Variants in DPP6 observed in about 807,000 individuals in gnomAD.
DPP6 encodes dipeptidyl peptidase like 6, also known as A-type potassium channel modulatory protein DPP6.
A neutral mutation model predicts 122.6 loss-of-function variants in DPP6; 69 were observed. The ratio of observed to expected loss-of-function variants is 0.56; its 90% CI spans 0.46 to 0.69. DPP6 has a LOEUF of 0.69. Ranked by LOEUF, DPP6 falls within the 30% of genes least tolerant of loss-of-function variation. DPP6 has a pLI of 0.00. For synonymous variants in DPP6, 418 were observed against 433.1 expected (o/e 0.97, Z 0.43); for missense variants, 928 against 1,116.9 (o/e 0.83, Z 2.41).
At chr7:154,348,070 A>G (rs11977806) in intron 1 of DPP6, among the ~76,000 whole-genome samples, 10,753 of 152,156 alleles carry the variant, frequency 0.071, 1,169 homozygotes, top group African/African-American at 0.24. Context: ...AGGAGGTTTT[A>G]TGGAACTCTC....
chr7:154,699,356 G>A (rs1292480194), intron 7 of DPP6, among the ~76,000 whole-genome samples: 4 of 152,156 alleles, frequency 2.6e-5, no homozygotes, highest in African/African-American at 9.7e-5. Flanking sequence ...GTGACTTCTG[G>A]CAGCTGACAA....
intron 1 of DPP6, among the ~76,000 whole-genome samples, chr7:154,319,484 A>G (rs1160859367): frequency 1.3e-5 from 2 of 152,114 alleles, no homozygotes; most frequent in African/African-American, 2.4e-5. Flanking sequence ...GCCTGAGGTC[A>G]GGAGTTCAAG....
chr7:154,891,065 C>A (rs963834247), intron 25 of DPP6: 1 of 152,012 alleles, frequency 6.6e-6, no homozygotes. Context: ...CCCATCTCTA[C>A]AAAAAGTTTT....
rs1804566274 is a variant in DPP6 at position 154,282,265 on chromosome 7, T to G, written c.244-163949T>G. On this transcript the variant is annotated intron_variant, in intron 1 of 25. Coordinates refer to ENST00000377770, the MANE Select transcript of DPP6 (RefSeq NM_130797.4). The surrounding 1 kb of genome is among the most constrained non-coding windows in gnomAD (Gnocchi z 4.8). ...GATGGTGGCAGCTTTAGCCAGGCAG[T>G]GGTTTCCCTGTTGTACAATTCAATA... Among the ~76,000 whole-genome samples the G allele has an allele frequency of 6.6e-6, 1 of 152,142 alleles. No individual in the cohort carries two copies. The highest frequency in any genetic ancestry group is 1.5e-5 in the Non-Finnish European group (1 of 68,026).
rs190379916 is a variant in DPP6, at chr7:154,223,202, A to G, written c.243+170139A>G. Among the ~76,000 whole-genome samples, 430 of 148,092 alleles carry G rather than the reference A, an allele frequency of 2.9e-3. 23 individuals are homozygous for G. Among genetic ancestry groups the G allele is most frequent in the Non-Finnish European group, 3.5e-3 (235 of 67,928 alleles). Reference sequence around the variant, plus strand: ...TGGTATGGCCAAGGAGAAGCAAAACATTGCAGACCGTCTCTACCAGCAGAA... The same window carrying G: ...TGGTATGGCCAAGGAGAAGCAAAACGTTGCAGACCGTCTCTACCAGCAGAA... On this transcript the variant is annotated intron_variant, in intron 1 of 25. Coordinates refer to ENST00000377770, the MANE Select transcript of DPP6 (RefSeq NM_130797.4).
chr7:154,280,590 ATAAT>A (rs1307028194), intron 1 of DPP6, among the ~76,000 whole-genome samples: 2 of 140,174 alleles, frequency 1.4e-5, no homozygotes, highest in Admixed American at 1.4e-4. Flanking sequence ...ATGACTATTA[ATAAT>A]TAGCTATTAA....
intron 10 of DPP6, among the ~76,000 whole-genome samples, chr7:154,793,366 G>T (rs1469902400): frequency 6.6e-6 from 1 of 152,054 alleles, no homozygotes; most frequent in African/African-American, 2.4e-5. Flanking sequence ...TTTTTGGAGG[G>T]CTCTGGGTGA....
At chr7:154,217,885 G>C (rs1340464034) in intron 1 of DPP6, among the ~76,000 whole-genome samples, 3 of 152,186 alleles carry the variant, frequency 2.0e-5, no homozygotes, top group African/African-American at 7.2e-5. Context: ...CTGTCTCAGA[G>C]GGCAGGGCTG....
At chr7:154,442,531 G>T (rs747895052) in intron 1 of DPP6, among the ~76,000 whole-genome samples, 4 of 152,068 alleles carry the variant, frequency 2.6e-5, no homozygotes, top group Admixed American at 1.3e-4. Flanking sequence ...GTTGTAGGGC[G>T]TGTTGAGGAA....
At chr7:154,273,691 T>C (rs533571126) in intron 1 of DPP6, among the ~76,000 whole-genome samples, 11 of 152,308 alleles carry the variant, frequency 7.2e-5, no homozygotes, top group African/African-American at 1.4e-4. Context: ...AATGTCTGCA[T>C]TGGTTGTTTC....
intron 1 of DPP6, among the ~76,000 whole-genome samples, chr7:154,313,714 T>TATAC (rs1177234778): frequency 2.2e-4 from 4 of 17,788 alleles, no homozygotes; most frequent in African/African-American, 3.2e-4. Flanking sequence ...TATATATATA[T>TATAC]ACACACACAC....
At chr7:154,086,264 A>G (rs1804411902) in intron 1 of DPP6, among the ~76,000 whole-genome samples, 1 of 148,970 alleles carries the variant, frequency 6.7e-6, no homozygotes, top group Non-Finnish European at 1.5e-5. Flanking sequence ...ACTTGGAGAA[A>G]CTTTCTAGAC....
intron 1 of DPP6, among the ~76,000 whole-genome samples, chr7:154,397,969 T>A (rs548963244): frequency 3.9e-4 from 59 of 152,300 alleles, no homozygotes; most frequent in Admixed American, 2.5e-3. Flanking sequence ...TGTTTATTCG[T>A]GTCAATTTAA....
At chr7:154,072,932 G>A (rs1041860794) in intron 1 of DPP6, among the ~76,000 whole-genome samples, 2 of 152,260 alleles carry the variant, frequency 1.3e-5, no homozygotes, top group Admixed American at 6.5e-5. Flanking sequence ...AGAGCCGGGG[G>A]ACCCACACGC....
intron 5 of DPP6, among the ~76,000 whole-genome samples, chr7:154,597,662 G>A (rs1294649616): frequency 6.6e-6 from 1 of 151,972 alleles, no homozygotes; most frequent in Non-Finnish European, 1.5e-5. Context: ...TCGTAACAAA[G>A]TGCTACAGAC....
intron 1 of DPP6, among the ~76,000 whole-genome samples, chr7:154,345,262 A>G (rs553275548): frequency 1.3e-5 from 2 of 152,244 alleles, no homozygotes; most frequent in African/African-American, 2.4e-5. Context: ...CACTAATCCC[A>G]TGGTGAGGGC....
intron 1 of DPP6, among the ~76,000 whole-genome samples, chr7:153,903,070 C>T (rs1010927328): frequency 2.0e-5 from 3 of 152,076 alleles, no homozygotes; most frequent in South Asian, 2.1e-4. Flanking sequence ...GCTGAGTGCT[C>T]GAGATGTTGA....
intron 8 of DPP6, among the ~76,000 whole-genome samples, chr7:154,757,189 A>G (rs1843730055): frequency 6.7e-6 from 1 of 149,078 alleles, no homozygotes; most frequent in South Asian, 2.2e-4. Context: ...TCCATCCCTC[A>G]CGTTCCCTGA....
intron 7 of DPP6, among the ~76,000 whole-genome samples, chr7:154,703,417 G>A (rs564232285): frequency 3.9e-5 from 6 of 152,126 alleles, no homozygotes; most frequent in East Asian, 3.9e-4. Flanking sequence ...TCAGGAGTTC[G>A]AGACCAGCCT....
Sources: allele counts gnomAD v4.1 joint callset (sites outside exome capture counted in the v4.1 genomes callset), GRCh38; gene constraint gnomAD v4.1.1; non-coding constraint Gnocchi (gnomAD v3.1); transcripts MANE v1.5; gene names NCBI Gene and HGNC (gene_info 2026-07-23, HGNC 2026-07-21).